Variants in CHST12 observed in about 807,000 individuals in gnomAD.
CHST12 encodes carbohydrate (chondroitin 4) sulfotransferase 12.
A neutral mutation model predicts 27.9 loss-of-function variants in CHST12; 23 were observed. The ratio of observed to expected loss-of-function variants is 0.82; its 90% CI spans 0.59 to 1.17. The LOEUF (loss-of-function observed/expected upper bound fraction) is 1.17. Ranked by LOEUF, CHST12 falls within the 50% of genes most tolerant of loss-of-function variation. CHST12 has a pLI of 0.00. For missense variants in CHST12, 682 were observed against 603.0 expected (o/e 1.13, Z -1.37); for synonymous variants, 322 against 273.0 (o/e 1.18, Z -1.77).
intron 1 of CHST12, among the ~76,000 whole-genome samples, chr7:2,413,723 C>CTTTT (rs1198072520): frequency 6.2e-4 from 65 of 104,070 alleles, no homozygotes; most frequent in East Asian, 1.1e-3. Context: ...CAGGTTTTAG[C>CTTTT]TTTTTTTTTT....
In CHST12 at chr7:2,418,210, G is replaced by A. The variant is rs143750983; in HGVS notation, c.-77-14353G>A. Among the ~76,000 whole-genome samples, 236 of 152,370 alleles carry A rather than the reference G, an allele frequency of 1.5e-3. 4 individuals are homozygous for A. In the South Asian group the frequency reaches 0.031, roughly 20 times the overall value. On this transcript the variant is annotated intron_variant, in intron 1 of 1. Coordinates refer to ENST00000618655, the MANE Select transcript of CHST12 (RefSeq NM_018641.5). ...CCCCTGGCTTCATGCCCTGCATGTT[G>A]TGTGTGAGCAAAGAAATATTTAACA...
At chr7:2,420,353 ATTTCC>A (rs889746597) in intron 1 of CHST12, among the ~76,000 whole-genome samples, 27 of 152,312 alleles carry the variant, frequency 1.8e-4, no homozygotes, top group Middle Eastern at 3.4e-3. Flanking sequence ...ATGTGTCAGA[ATTTCC>A]TTTCTTTTGA....
In CHST12 at chr7:2,434,118, C is replaced by CGCCCGCT; in HGVS notation, c.*234_*235insGCCCGCT. ...CTCTCCCCTCCGCCCGCCCACCCGC[C>CGCCCGCT]CGCCCGCTCGCCCGCTCGCCCGCTC... On this transcript the variant is annotated 3_prime_UTR_variant, in exon 2 of 2. Transcript: ENST00000618655. 2.8e-6 allele frequency: 1 copy of CGCCCGCT among 353,530 alleles called. No homozygotes were observed. The highest frequency in any genetic ancestry group is 5.0e-6 in the Non-Finnish European group (1 of 198,674). The allele number at this position is 353,530 out of a possible 1,614,324, so 21.9% of individuals were successfully genotyped here.
At position 2,404,704 on chromosome 7, in the gene CHST12, C is replaced by G. The variant is rs76267860; in HGVS notation, c.-78+1031C>G. On this transcript the variant is annotated intron_variant, in intron 1 of 1. Transcript: ENST00000618655. ...CAGGGGTAATGAGGAGATTGCTACA[C>G]GAAGGTGCAACGCTTGAGATCTGAA... is the stretch of plus-strand genomic sequence containing the variant. Among the ~76,000 whole-genome samples, 209 of 152,324 alleles carry G rather than the reference C, an allele frequency of 1.4e-3. 4 individuals carry two copies. In the South Asian group the frequency reaches 0.026, roughly 19 times the overall value.
At chr7:2,420,552 C>T (rs1310711752) in intron 1 of CHST12, among the ~76,000 whole-genome samples, 2 of 152,126 alleles carry the variant, frequency 1.3e-5, no homozygotes, top group Non-Finnish European at 2.9e-5. Context: ...TCATGCCTGT[C>T]ATCCCAGCAC....
At position 2,436,053 on chromosome 7, in the gene CHST12, A is replaced by G. The variant is rs1782465781; in HGVS notation, c.*2169A>G. 1 of 151,984 alleles carries G rather than the reference A, an allele frequency of 6.6e-6. No individual in the cohort carries two copies. Among genetic ancestry groups the G allele is most frequent in the South Asian group, 2.1e-4 (1 of 4,810 alleles). 9.4% of individuals were successfully genotyped at this position (151,984 alleles called of 1,614,324 possible). A position where few individuals can be genotyped will look rare whatever the true frequency, so the allele number is the denominator to read the frequency against. On this transcript the variant is annotated 3_prime_UTR_variant, in exon 2 of 2. Coordinates refer to ENST00000618655, the MANE Select transcript of CHST12 (RefSeq NM_018641.5). ...GCTCTCAAACTCCTGGGCTCAAGTG[A>G]CCCTCCTGCATCACCCTCCCAAAGT...
Position 2,421,227 on chromosome 7 carries a change from C to CT in CHST12, c.-77-11313dup, listed in dbSNP as rs60332594. ...TGCACACCACCATGTCCTGCTAATT[C>CT]TTTTTTTTTTTTTTTTTTTTTTTAC... On this transcript the variant is annotated intron_variant, in intron 1 of 1. Coordinates refer to ENST00000618655, the MANE Select transcript of CHST12 (RefSeq NM_018641.5). Among the ~76,000 whole-genome samples, 544 of 91,994 alleles carry CT rather than the reference C, an allele frequency of 5.9e-3. 5 individuals are homozygous for CT. The highest frequency in any genetic ancestry group is 9.6e-3 in the African/African-American group (225 of 23,334). 60.4% of individuals were successfully genotyped at this position (91,994 alleles called of 152,430 possible).
chr7:2,419,853 T>C (rs1781918388), intron 1 of CHST12, among the ~76,000 whole-genome samples: 1 of 151,894 alleles, frequency 6.6e-6, no homozygotes, highest in African/African-American at 2.4e-5. Flanking sequence ...TCTGTCCCCA[T>C]TGAACACAAA....
Position 2,436,790 on chromosome 7 carries a change from G to C in CHST12, c.*2906G>C, listed in dbSNP as rs1339928853. On this transcript the variant is annotated 3_prime_UTR_variant, in exon 2 of 2. Transcript: ENST00000618655. Reference sequence around the variant, plus strand: ...CTTGGTATGGTTCCTCTGAGGTTCGGTTTTCCTGAGCACCTGGGGTGTTTG... The same window carrying C: ...CTTGGTATGGTTCCTCTGAGGTTCGCTTTTCCTGAGCACCTGGGGTGTTTG... The C allele has an allele frequency of 6.6e-6, 1 of 152,298 alleles. No homozygotes were observed. Among genetic ancestry groups the C allele is most frequent in the African/African-American group, 2.4e-5 (1 of 41,458 alleles). The allele number at this position is 152,298 out of a possible 1,614,324, so 9.4% of individuals were successfully genotyped here.
At chr7:2,413,119 T>C (rs1781709755) in intron 1 of CHST12, among the ~76,000 whole-genome samples, 1 of 152,208 alleles carries the variant, frequency 6.6e-6, no homozygotes, top group Non-Finnish European at 1.5e-5. Flanking sequence ...AAAGGCCTAG[T>C]TTGTTCTTCT....
Position 2,436,318 on chromosome 7 carries a change from A to G in CHST12, c.*2434A>G, listed in dbSNP as rs541497057. Reference sequence around the variant, plus strand: ...CCATTGGTAGAAGGCAGCAGCTTCCACTCTCTGATTTCTACTACCCGAGCT... The same window carrying G: ...CCATTGGTAGAAGGCAGCAGCTTCCGCTCTCTGATTTCTACTACCCGAGCT... On this transcript the variant is annotated 3_prime_UTR_variant, in exon 2 of 2. Coordinates refer to ENST00000618655, the MANE Select transcript of CHST12 (RefSeq NM_018641.5). 6.6e-6 allele frequency: 1 copy of G among 151,994 alleles called. No homozygotes were observed. Among genetic ancestry groups the G allele is most frequent in the East Asian group, 1.9e-4 (1 of 5,168 alleles). The allele number at this position is 151,994 out of a possible 1,614,324, so 9.4% of individuals were successfully genotyped here.
rs545762489 is a variant in CHST12, at chr7:2,422,871, T to TA, written c.-77-9692_-77-9691insA. ...TTTCTTAGCCTTCAGAAAACCTTTTTTTTTTTTTTTTTAGTGTGGTTTCAT... is the reference window on the plus strand; with the variant it reads ...TTTCTTAGCCTTCAGAAAACCTTTTTATTTTTTTTTTTTAGTGTGGTTTCAT... On this transcript the variant is annotated intron_variant, in intron 1 of 1. Coordinates refer to ENST00000618655, the MANE Select transcript of CHST12 (RefSeq NM_018641.5). Among the ~76,000 whole-genome samples the TA allele has an allele frequency of 1.1e-3, 169 of 152,024 alleles. 3 individuals are homozygous for TA. In the South Asian group the frequency reaches 0.024, roughly 22 times the overall value.
intron 1 of CHST12, among the ~76,000 whole-genome samples, chr7:2,404,955 T>C (rs368209279): frequency 6.6e-6 from 1 of 152,018 alleles, no homozygotes; most frequent in East Asian, 1.9e-4. Context: ...TACAACTGTG[T>C]GGAGTTGAGA....
chr7:2,421,227 C>CTTTTTTTTTTTTTTTT (rs60332594), intron 1 of CHST12, among the ~76,000 whole-genome samples: 1 of 92,010 alleles, frequency 1.1e-5, no homozygotes, highest in Non-Finnish European at 2.0e-5. Flanking sequence ...CCTGCTAATT[C>CTTTTTTTTTTTTTTTT]TTTTTTTTTT....
chr7:2,440,782 G>A lies in CHST12; in HGVS notation c.*6898G>A, dbSNP rs1363230212. ...TAAGCTGTTTGAACAAAGATCTGGA[G>A]GTTGCACAATCCTGTGTCATTCTGG... On this transcript the variant is annotated 3_prime_UTR_variant, in exon 2 of 2. Coordinates refer to ENST00000618655, the MANE Select transcript of CHST12 (RefSeq NM_018641.5). 3 of 152,328 alleles carry A rather than the reference G, an allele frequency of 2.0e-5. No homozygotes were observed. Among genetic ancestry groups the A allele is most frequent in the Admixed American group, 6.5e-5 (1 of 15,294 alleles). The allele number at this position is 152,328 out of a possible 1,614,324, so 9.4% of individuals were successfully genotyped here. A position where few individuals can be genotyped will look rare whatever the true frequency, so the allele number is the denominator to read the frequency against.
chr7:2,404,068 G>A lies in CHST12; in HGVS notation c.-78+395G>A, dbSNP rs1781455726. Reference sequence around the variant, plus strand: ...GCATCAGCCTCTGCCGCCCGGCAGGGGTAGGACCAATTCCCGGGCTTGGAG... The same window carrying A: ...GCATCAGCCTCTGCCGCCCGGCAGGAGTAGGACCAATTCCCGGGCTTGGAG... On this transcript the variant is annotated intron_variant, in intron 1 of 1. Coordinates refer to ENST00000618655, the MANE Select transcript of CHST12 (RefSeq NM_018641.5). 4 of 152,282 alleles carry A rather than the reference G, an allele frequency of 2.6e-5. No homozygotes were observed. The South Asian group carries it at 6.2e-4, about 24-fold the overall frequency. The allele number at this position is 152,282 out of a possible 1,614,324, so 9.4% of individuals were successfully genotyped here. A position where few individuals can be genotyped will look rare whatever the true frequency, so the allele number is the denominator to read the frequency against.
chr7:2,422,596 T>A (rs1388743113), intron 1 of CHST12, among the ~76,000 whole-genome samples: 1 of 148,258 alleles, frequency 6.7e-6, no homozygotes, highest in Non-Finnish European at 1.5e-5. Context: ...AGTGCAGTGG[T>A]GCGATCTCAG....
At chr7:2,415,536 G>A (rs914420890) in intron 1 of CHST12, among the ~76,000 whole-genome samples, 26 of 152,068 alleles carry the variant, frequency 1.7e-4, no homozygotes, top group African/African-American at 6.3e-4. Flanking sequence ...GGAGGGTCTT[G>A]TCTTGATGTT....
At chr7:2,426,034 G>T (rs1030179120) in intron 1 of CHST12, among the ~76,000 whole-genome samples, 29 of 152,064 alleles carry the variant, frequency 1.9e-4, no homozygotes, top group African/African-American at 7.0e-4. Context: ...ATCAGCAGGG[G>T]ACCTCTTTGG....
Sources: allele counts gnomAD v4.1 joint callset (sites outside exome capture counted in the v4.1 genomes callset), GRCh38; gene constraint gnomAD v4.1.1; transcripts MANE v1.5; gene names NCBI Gene and HGNC (gene_info 2026-07-23, HGNC 2026-07-21).